TENM4: variants seen among roughly 807,000 people sequenced by gnomAD.
The protein encoded by TENM4 is teneurin-4.
Under a neutral mutation model 243.3 loss-of-function variants are expected in TENM4, and 82 were observed. The observed-to-expected ratio is 0.34, with a 90% CI of 0.28 to 0.40. TENM4 has a LOEUF of 0.40. Ranked by LOEUF, TENM4 falls within the 10% of genes least tolerant of loss-of-function variation. The pLI, the probability that TENM4 is intolerant of heterozygous loss-of-function variation, is 1.00. For synonymous variants in TENM4, 1,412 were observed against 1,456.3 expected, an observed-to-expected ratio of 0.97 and a Z score of 0.69; for missense variants, 3,138 against 3,673.3, an observed-to-expected ratio of 0.85 and a Z score of 3.77.
intron 3 of TENM4, among the ~76,000 whole-genome samples, chr11:79,204,588 T>C (rs1863811420): frequency 6.6e-6 from 1 of 152,168 alleles, no homozygotes; most frequent in African/African-American, 2.4e-5. Context: ...ACTTCTGATA[T>C]TACCACAATG....
At chr11:79,275,670 C>T in intron 2 of TENM4, among the ~76,000 whole-genome samples, 1 of 151,902 alleles carries the variant, frequency 6.6e-6, no homozygotes, top group South Asian at 2.1e-4. Context: ...AAAACAGTGA[C>T]ATGATGCTAG....
At chr11:78,760,549 CTAGAGAGGAACTTT>C (rs1457699595) in intron 18 of TENM4, among the ~76,000 whole-genome samples, 1 of 152,210 alleles carries the variant, frequency 6.6e-6, no homozygotes, top group Non-Finnish European at 1.5e-5. Context: ...CAAACATTTT[CTAGAGAGGAACTTT>C]TAGACTGAGA....
intron 1 of TENM4, among the ~76,000 whole-genome samples, chr11:79,371,932 A>G (rs763569240): frequency 6.6e-6 from 1 of 152,262 alleles, no homozygotes; most frequent in African/African-American, 2.4e-5. Context: ...GTGAGCAGAG[A>G]TAAGAGGTAG....
intron 3 of TENM4, among the ~76,000 whole-genome samples, chr11:79,152,046 G>A (rs1253807284): frequency 1.3e-5 from 2 of 152,102 alleles, no homozygotes; most frequent in South Asian, 2.1e-4. Context: ...ACCAAGCAGT[G>A]TATTATGCAA....
At chr11:79,206,102 C>T (rs1020431514) in intron 3 of TENM4, among the ~76,000 whole-genome samples, 87 of 152,206 alleles carry the variant, frequency 5.7e-4, no homozygotes, top group Non-Finnish European at 1.2e-3. Flanking sequence ...GGGAACCTCC[C>T]CTATGGTAGA....
At chr11:78,710,217 G>A (rs1859364919) in intron 26 of TENM4, among the ~76,000 whole-genome samples, 1 of 152,206 alleles carries the variant, frequency 6.6e-6, no homozygotes, top group South Asian at 2.1e-4. Flanking sequence ...TTTCCTCATT[G>A]ATAAAACAGG....
chr11:78,756,483 G>T (rs569972903), intron 19 of TENM4: 1 of 315,400 alleles, frequency 3.2e-6, no homozygotes, highest in South Asian at 3.4e-5. Flanking sequence ...TTCATCTGGA[G>T]ACCACAGGAT....
chr11:78,693,800 G>A (rs1000390437), intron 28 of TENM4, among the ~76,000 whole-genome samples: 3 of 152,162 alleles, frequency 2.0e-5, no homozygotes, highest in African/African-American at 7.2e-5. Flanking sequence ...GATCACTTGA[G>A]GTCAGGAGTT....
intron 2 of TENM4, among the ~76,000 whole-genome samples, chr11:79,221,353 T>TG (rs1439596919): frequency 6.6e-6 from 1 of 151,056 alleles, no homozygotes; most frequent in Non-Finnish European, 1.5e-5. Flanking sequence ...ATGGATTTTT[T>TG]TTAAGCCTTT....
intron 2 of TENM4, among the ~76,000 whole-genome samples, chr11:79,250,472 C>A (rs2135302336): frequency 6.6e-6 from 1 of 152,380 alleles, no homozygotes; most frequent in African/African-American, 2.4e-5. Context: ...AGACTGAAGG[C>A]ATTTGTCCCA....
At chr11:79,108,937 C>T (rs1861438576) in intron 4 of TENM4, among the ~76,000 whole-genome samples, 1 of 152,118 alleles carries the variant, frequency 6.6e-6, no homozygotes, top group Non-Finnish European at 1.5e-5. Flanking sequence ...ATTCCCCACA[C>T]AAACACACAC....
At chr11:79,434,943 T>C (rs906028754) in intron 1 of TENM4, among the ~76,000 whole-genome samples, 5 of 152,088 alleles carry the variant, frequency 3.3e-5, no homozygotes, top group Admixed American at 6.5e-5. Flanking sequence ...GTCAAAAAAT[T>C]AGGTACTCAT....
At chr11:79,006,392 A>C (rs975690770) in intron 6 of TENM4, among the ~76,000 whole-genome samples, 4 of 152,244 alleles carry the variant, frequency 2.6e-5, no homozygotes, top group African/African-American at 9.6e-5. Flanking sequence ...GCTATGATAT[A>C]CGCAGATCTA....
intron 5 of TENM4, among the ~76,000 whole-genome samples, chr11:79,068,969 G>C (rs1860338766): frequency 6.6e-6 from 1 of 152,210 alleles, no homozygotes. Flanking sequence ...GCAGTACAGA[G>C]AATGGCTAGA....
At chr11:79,198,963 G>A (rs1198893464) in intron 3 of TENM4, among the ~76,000 whole-genome samples, 1 of 152,196 alleles carries the variant, frequency 6.6e-6, no homozygotes, top group Non-Finnish European at 1.5e-5. Context: ...ATGACCAGGA[G>A]GTGGCCAGGA....
intron 1 of TENM4, chr11:79,401,997 G>T: frequency 5.2e-6 from 2 of 387,390 alleles, no homozygotes; most frequent in South Asian, 2.2e-5. Context: ...TGTGCAGGGT[G>T]AGAAGAGAGA....
intron 2 of TENM4, among the ~76,000 whole-genome samples, chr11:79,270,902 G>A (rs1303523978): frequency 6.6e-6 from 1 of 152,150 alleles, no homozygotes; most frequent in African/African-American, 2.4e-5. Flanking sequence ...AATCAGGTGG[G>A]AGAACAGCTC....
chr11:78,922,493 T>C (rs1363258697), intron 6 of TENM4, among the ~76,000 whole-genome samples: 3 of 152,174 alleles, frequency 2.0e-5, no homozygotes, highest in African/African-American at 7.2e-5. Context: ...TTAACTCTTA[T>C]GATAAAATGA....
rs1195253535 is a variant in TENM4, at chr11:78,854,255, T to C, written c.1530A>G (p.Leu510=). ...CCCGAGACTGGCGCGGGGTCCCCTC[T>C]AGGCTCCGCGCCTCCTGGGTTAGGA... ...RRLLTQEARS[L]EGTPRQSRGT... The change falls in exon 12 of 34, where the codon CTA becomes CTG. Residue 510 remains leucine, a synonymous_variant. Coordinates refer to ENST00000278550, the MANE Select transcript of TENM4 (RefSeq NM_001098816.3). The C allele has an allele frequency of 6.5e-7, 1 of 1,547,644 alleles. No homozygotes were observed. Among genetic ancestry groups the C allele is most frequent in the South Asian group, 1.2e-5 (1 of 83,560 alleles).
Sources: allele counts gnomAD v4.1 joint callset (sites outside exome capture counted in the v4.1 genomes callset), GRCh38; gene constraint gnomAD v4.1.1; transcripts MANE v1.5; gene names NCBI Gene and HGNC (gene_info 2026-07-23, HGNC 2026-07-21).